AHI1: variants seen among roughly 807,000 people sequenced by gnomAD.
The protein encoded by AHI1 is jouberin.
In AHI1, 123 loss-of-function variants were observed where a neutral mutation model predicts 149.3. The ratio of observed to expected loss-of-function variants is 0.82; its 90% CI spans 0.71 to 0.96. AHI1 has a LOEUF of 0.96. AHI1 is among the 40% of genes least tolerant of loss of function. The pLI, the probability that AHI1 is intolerant of heterozygous loss-of-function variation, is 0.00. For synonymous variants in AHI1, 475 were observed against 459.8 expected (o/e 1.03, Z -0.42); for missense variants, 1,439 against 1,422.7 (o/e 1.01, Z -0.18).
intron 24 of AHI1, among the ~76,000 whole-genome samples, chr6:135,323,594 A>G (rs1410856750): frequency 6.6e-6 from 1 of 152,132 alleles, no homozygotes; most frequent in Non-Finnish European, 1.5e-5. Flanking sequence ...TTTAAAGTAA[A>G]TTACTTGTGA....
intron 27 of AHI1, among the ~76,000 whole-genome samples, chr6:135,294,323 CTCAAAACAAA>C (rs1444930264): frequency 7.0e-6 from 1 of 142,456 alleles, no homozygotes; most frequent in Non-Finnish European, 1.5e-5. Context: ...AAGACTCCAT[CTCAAAACAAA>C]ACAAAACAAA....
chr6:135,392,790 C>A (rs1778695826), intron 23 of AHI1, among the ~76,000 whole-genome samples: 1 of 152,158 alleles, frequency 6.6e-6, no homozygotes, highest in Non-Finnish European at 1.5e-5. Context: ...GATGAGAAAA[C>A]TCTGGCCTGA....
At chr6:135,400,456 T>C (rs2128492334) in intron 22 of AHI1, among the ~76,000 whole-genome samples, 2 of 151,018 alleles carry the variant, frequency 1.3e-5, no homozygotes, top group South Asian at 4.2e-4. Flanking sequence ...GGTGATGTAA[T>C]ACTTCAAAAA....
chr6:135,358,057 T>C (rs1345249876), intron 24 of AHI1, 75 bp downstream of exon 24: 4 of 1,337,622 alleles, frequency 3.0e-6, no homozygotes, highest in East Asian at 2.4e-5. Context: ...TTTTCTACAA[T>C]GGCACTGTAA....
rs958787738 is a variant in AHI1 at position 135,457,733 on chromosome 6, AATCAATGTT to A, written c.932-29_932-21del. The A allele has an allele frequency of 6.3e-6, 10 of 1,599,002 alleles. No individual in the cohort carries two copies. The highest frequency in any genetic ancestry group is 5.4e-5 in the African/African-American group (4 of 74,636). On this transcript the variant is annotated intron_variant, in intron 8 of 28. Transcript: ENST00000265602. ...CTGCAACTACACGCATGGAAAAAAA[AATCAATGTT>A]ATAATTAGTTGTTCCCATAGTAGTA...
intron 24 of AHI1, among the ~76,000 whole-genome samples, chr6:135,353,691 T>A (rs1458707764): frequency 6.6e-6 from 1 of 152,012 alleles, no homozygotes; most frequent in Non-Finnish European, 1.5e-5. Context: ...ATCCAAGAGA[T>A]TCAGGATAAA....
intron 8 of AHI1, among the ~76,000 whole-genome samples, chr6:135,460,516 C>T (rs554635408): frequency 6.6e-6 from 1 of 152,020 alleles, no homozygotes; most frequent in Admixed American, 6.6e-5. Context: ...TTTAGATTCA[C>T]CCAGTCTAGA....
chr6:135,355,509 T>C (rs1222897594), intron 24 of AHI1, among the ~76,000 whole-genome samples: 3 of 152,204 alleles, frequency 2.0e-5, no homozygotes, highest in Non-Finnish European at 4.4e-5. Context: ...GAAGGGACAC[T>C]GGATTGTATT....
At chr6:135,393,099 C>G (rs1175703771) in intron 23 of AHI1, among the ~76,000 whole-genome samples, 1 of 151,964 alleles carries the variant, frequency 6.6e-6, no homozygotes, top group African/African-American at 2.4e-5. Flanking sequence ...CTCTTATGGC[C>G]TACATGGCCA....
At chr6:135,289,454 C>G (rs549606574) in intron 28 of AHI1, among the ~76,000 whole-genome samples, 19 of 152,092 alleles carry the variant, frequency 1.2e-4, no homozygotes, top group African/African-American at 4.1e-4. Context: ...GAGATTGCAC[C>G]ACTGCATTCT....
intron 10 of AHI1, among the ~76,000 whole-genome samples, chr6:135,453,692 T>A (rs1464122993): frequency 2.0e-5 from 3 of 152,184 alleles, no homozygotes; most frequent in Admixed American, 2.0e-4. Context: ...GTTAATCACC[T>A]CAAATATAAC....
chr6:135,380,734 C>T (rs578210534), intron 23 of AHI1, among the ~76,000 whole-genome samples: 28 of 102,068 alleles, frequency 2.7e-4, no homozygotes, highest in African/African-American at 1.5e-3. Flanking sequence ...TAAAATAACC[C>T]CCCCCCCCCC....
chr6:135,422,088 G>A (rs1783252329), intron 20 of AHI1, among the ~76,000 whole-genome samples: 1 of 152,066 alleles, frequency 6.6e-6, no homozygotes, highest in South Asian at 2.1e-4. Flanking sequence ...TATTGCAAAT[G>A]AATACATACA....
chr6:135,438,580 T>C lies in AHI1; in HGVS notation c.1913-82A>G. 2 of 1,158,732 alleles carry C rather than the reference T, an allele frequency of 1.7e-6. 1 individual carries two copies. Among genetic ancestry groups the C allele is most frequent in the Non-Finnish European group, 2.3e-6 (2 of 874,274 alleles). 71.8% of individuals were successfully genotyped at this position (1,158,732 alleles called of 1,614,324 possible). ...ATACAAATATATAATTTAATATTAT[T>C]TAGACATAAGCAGTCTATAACAAAA... On this transcript the variant is annotated intron_variant, in intron 14 of 28. Transcript: ENST00000265602.
intron 26 of AHI1, among the ~76,000 whole-genome samples, chr6:135,317,682 T>C (rs1352955678): frequency 1.3e-5 from 2 of 152,112 alleles, no homozygotes; most frequent in Non-Finnish European, 2.9e-5. Flanking sequence ...GAAACTCCTG[T>C]TTCAGTGGGG....
Position 135,463,264 on chromosome 6 carries a change from C to G in AHI1, c.792G>C (p.Lys264Asn). Residue 264 changes from lysine (K) to asparagine (N), a missense_variant, in exon 8 of 29, where the codon AAG (lysine) becomes AAC (asparagine). Lys to Asn is a moderately conservative substitution (Grantham distance 94). Transcript: ENST00000265602. ...ISGDTVEGEQ[K>N]KESSVRSVSS... ...AAACTGATCTAACTGAAGATTCTTT[C>G]TTTTGTTCACCTTCAACTGTGTCAC... 1 of 1,609,972 alleles carries G rather than the reference C, an allele frequency of 6.2e-7. No homozygotes were observed. Among genetic ancestry groups the G allele is most frequent in the Non-Finnish European group, 8.5e-7 (1 of 1,179,184 alleles).
chr6:135,289,117 C>CT (rs574055919), intron 28 of AHI1, among the ~76,000 whole-genome samples: 332 of 148,634 alleles, frequency 2.2e-3, no homozygotes, highest in Non-Finnish European at 3.6e-3. Context: ...TAAGAATGTC[C>CT]TGTGTATATC....
Position 135,318,605 on chromosome 6 carries a change from C to T in AHI1, c.3340G>A (p.Glu1114Lys), listed in dbSNP as rs1786332517. The T allele has an allele frequency of 6.2e-7, 1 of 1,601,296 alleles. No homozygotes were observed. The highest frequency in any genetic ancestry group is 1.7e-5 in the Admixed American group (1 of 58,356). Residue 1114 changes from glutamate (E) to lysine (K), a missense_variant, in exon 26 of 29, where the codon GAA becomes AAA. Transcript: ENST00000265602. ...NHVASETLYQ[E>K]LPPEIKERSP... ...CGCTCCTTTATCTCAGGAGGCAGTT[C>T]TTGATACAGTGCTGAAATTGGAAAA...
At chr6:135,402,051 A>T (rs1443729788) in intron 22 of AHI1, among the ~76,000 whole-genome samples, 1 of 152,226 alleles carries the variant, frequency 6.6e-6, no homozygotes, top group Non-Finnish European at 1.5e-5. Context: ...CAGAAAAAAA[A>T]GTACAAATGG....
Sources: gnomAD v4.1 joint callset for allele counts (sites outside exome capture counted in the v4.1 genomes callset) on GRCh38, gnomAD v4.1.1 for gene constraint, MANE v1.5 for transcripts, NCBI Gene and HGNC (gene_info 2026-07-23, HGNC 2026-07-21) for gene names.